Variants in TSPAN11 observed in about 807,000 individuals in gnomAD.
TSPAN11 encodes the protein tetraspanin 11.
In TSPAN11, 29 loss-of-function variants were observed where a neutral mutation model predicts 32.9. That is an observed-to-expected ratio of 0.88 (90% CI 0.66 to 1.20). The LOEUF is 1.20. Among genes scored for constraint, TSPAN11 ranks in the 50% most tolerant of loss-of-function variants. The pLI is 0.00. For synonymous variants in TSPAN11, 140 were observed against 141.3 expected (o/e 0.99, Z 0.07); for missense variants, 283 against 329.1 (o/e 0.86, Z 1.08).
chr12:30,972,218 G>T (rs189848979), intron 3 of TSPAN11, among the ~76,000 whole-genome samples: 143 of 152,302 alleles, frequency 9.4e-4, no homozygotes, highest in African/African-American at 3.3e-3. Context: ...GAGTGGAGCT[G>T]GAGGTCAGTG....
chr12:30,967,011 C>T (rs1247089749), intron 3 of TSPAN11, among the ~76,000 whole-genome samples: 1 of 152,184 alleles, frequency 6.6e-6, no homozygotes, highest in East Asian at 1.9e-4. Flanking sequence ...GTCACCCAGG[C>T]ATTAGTGGGA....
intron 7 of TSPAN11, among the ~76,000 whole-genome samples, chr12:30,990,789 A>G (rs990986925): frequency 6.6e-6 from 1 of 152,224 alleles, no homozygotes; most frequent in African/African-American, 2.4e-5. Flanking sequence ...AGCAGCTGCT[A>G]GGAAAGTCAG....
intron 3 of TSPAN11, among the ~76,000 whole-genome samples, chr12:30,965,551 G>A (rs533192066): frequency 6.6e-6 from 1 of 152,078 alleles, no homozygotes; most frequent in Non-Finnish European, 1.5e-5. Flanking sequence ...AACAGGCCCT[G>A]CATTCCTCCC....
At chr12:30,988,271 G>C (rs1177721559) in intron 7 of TSPAN11, among the ~76,000 whole-genome samples, 1 of 152,198 alleles carries the variant, frequency 6.6e-6, no homozygotes, top group East Asian at 1.9e-4. Context: ...CACCGGCCCT[G>C]GCTGCATGCT....
At chr12:30,969,163 G>A (rs1021710272) in intron 3 of TSPAN11, among the ~76,000 whole-genome samples, 2 of 152,186 alleles carry the variant, frequency 1.3e-5, no homozygotes. Flanking sequence ...TGGCTCCCAG[G>A]GCCCTGCAGC....
intron 1 of TSPAN11, among the ~76,000 whole-genome samples, chr12:30,940,385 A>G (rs1027714794): frequency 6.6e-5 from 10 of 152,188 alleles, no homozygotes; most frequent in African/African-American, 2.4e-4. Context: ...CCCAGAACTC[A>G]ACTCATATTT....
intron 2 of TSPAN11, among the ~76,000 whole-genome samples, chr12:30,962,209 G>A (rs1453040574): frequency 1.3e-5 from 2 of 150,204 alleles, no homozygotes; most frequent in African/African-American, 5.1e-5. Context: ...GTTTGCTGTA[G>A]CCCAGATGGT....
intron 3 of TSPAN11, among the ~76,000 whole-genome samples, chr12:30,972,644 G>C (rs1049107439): frequency 1.3e-5 from 2 of 152,146 alleles, no homozygotes; most frequent in Non-Finnish European, 2.9e-5. Flanking sequence ...TCTGAGGTAA[G>C]AGCAGGCTGG....
At chr12:30,941,900 G>A (rs965287151) in intron 1 of TSPAN11, among the ~76,000 whole-genome samples, 1 of 152,248 alleles carries the variant, frequency 6.6e-6, no homozygotes, top group African/African-American at 2.4e-5. Flanking sequence ...ACTTATCACT[G>A]TAGCCATTGC....
chr12:30,931,062 G>A (rs980798987), intron 1 of TSPAN11, among the ~76,000 whole-genome samples: 1 of 152,192 alleles, frequency 6.6e-6, no homozygotes, highest in Non-Finnish European at 1.5e-5. Flanking sequence ...TGTGTTGAAA[G>A]GGAGTAGGGG....
chr12:30,962,358 G>C (rs562746327), intron 2 of TSPAN11, among the ~76,000 whole-genome samples: 2 of 152,304 alleles, frequency 1.3e-5, no homozygotes, highest in African/African-American at 4.8e-5. Flanking sequence ...CAGAGTCCTG[G>C]ATTTGCTCTC....
At chr12:30,949,536 ATGAGAATAGTACG>A (rs1404175201) in intron 1 of TSPAN11, among the ~76,000 whole-genome samples, 1 of 152,200 alleles carries the variant, frequency 6.6e-6, no homozygotes, top group African/African-American at 2.4e-5. Context: ...ATTCACTATC[ATGAGAATAGTACG>A]TGAGAATAGT....
intron 2 of TSPAN11, among the ~76,000 whole-genome samples, chr12:30,960,669 A>G (rs1234050850): frequency 1.3e-5 from 2 of 151,992 alleles, no homozygotes; most frequent in Admixed American, 6.5e-5. Flanking sequence ...CCTCCTGGCC[A>G]GCTTGCATCC....
chr12:30,930,549 TG>T (rs1397454665), intron 1 of TSPAN11, among the ~76,000 whole-genome samples: 2 of 152,198 alleles, frequency 1.3e-5, no homozygotes, highest in Admixed American at 1.3e-4. Context: ...TATGTGACCT[TG>T]CTAAGCTTCA....
chr12:30,953,869 C>A (rs2075363), intron 1 of TSPAN11, 112 bp from the exon 2 acceptor site: 43,594 of 705,670 alleles, frequency 0.062, 4,322 homozygotes, highest in East Asian at 0.39. Flanking sequence ...AAGCCCCCGG[C>A]AGATAGGTTA....
chr12:30,990,828 C>T (rs1939298084), intron 7 of TSPAN11, among the ~76,000 whole-genome samples: 1 of 152,222 alleles, frequency 6.6e-6, no homozygotes, highest in African/African-American at 2.4e-5. Flanking sequence ...AGGAGAGCCA[C>T]CTTCACCCCA....
chr12:30,968,258 CTT>C (rs1224700999), intron 3 of TSPAN11, among the ~76,000 whole-genome samples: 2 of 152,194 alleles, frequency 1.3e-5, no homozygotes, highest in Middle Eastern at 3.2e-3. Context: ...GTGCAACTAC[CTT>C]GGATCGGGAG....
At chr12:30,984,367 A>G (rs1397297622) in intron 7 of TSPAN11, among the ~76,000 whole-genome samples, 1 of 152,148 alleles carries the variant, frequency 6.6e-6, no homozygotes, top group Non-Finnish European at 1.5e-5. Flanking sequence ...CTTAAGGTCT[A>G]AGAATGAGGC....
intron 1 of TSPAN11, among the ~76,000 whole-genome samples, chr12:30,930,129 G>C (rs1937890136): frequency 6.6e-6 from 1 of 151,416 alleles, no homozygotes; most frequent in Non-Finnish European, 1.5e-5. Flanking sequence ...TGACTCTGGT[G>C]GGTTTCTGGG....
Sources: allele counts gnomAD v4.1 joint callset (sites outside exome capture counted in the v4.1 genomes callset), GRCh38; gene constraint gnomAD v4.1.1; transcripts MANE v1.5; gene names NCBI Gene and HGNC (gene_info 2026-07-23, HGNC 2026-07-21).